DENND2B: variants seen among roughly 807,000 people sequenced by gnomAD.
The protein encoded by DENND2B is DENN domain-containing protein 2B.
DENND2B carries 32 observed loss-of-function variants against 116.0 expected under a neutral mutation model. The observed-to-expected ratio is 0.28, with a 90% confidence interval of 0.21 to 0.37. The LOEUF (loss-of-function observed/expected upper bound fraction) is 0.37. Among genes scored for constraint, DENND2B ranks in the 10% least tolerant of loss-of-function variants. The pLI is 1.00. For missense variants in DENND2B, 1,276 were observed against 1,477.7 expected, an observed-to-expected ratio of 0.86 and a Z score of 2.24; for synonymous variants, 588 against 583.9, an observed-to-expected ratio of 1.01 and a Z score of -0.10.
intron 2 of DENND2B, 140 bp downstream of exon 2, chr11:8,750,481 C>T: frequency 4.3e-6 from 3 of 693,544 alleles, no homozygotes; most frequent in Non-Finnish European, 7.6e-6. Flanking sequence ...ATATCTTCTG[C>T]CTAATGGTCA....
chr11:8,875,524 G>A (rs116898120), upstream of DENND2B, among the ~76,000 whole-genome samples: 2,528 of 151,198 alleles, frequency 0.017, 36 homozygotes, highest in Middle Eastern at 0.051. Flanking sequence ...TCCCACCTTA[G>A]CCTCCCCAGT....
At chr11:8,841,395 C>T (rs2062619508) in intron 3 of DENND2B, among the ~76,000 whole-genome samples, 1 of 152,116 alleles carries the variant, frequency 6.6e-6, no homozygotes, top group South Asian at 2.1e-4. Flanking sequence ...TCCCAGCACT[C>T]TGGGAGACCA....
intron 19 of DENND2B, among the ~76,000 whole-genome samples, chr11:8,695,152 G>T (rs1269188786): frequency 6.6e-6 from 1 of 152,168 alleles, no homozygotes; most frequent in Non-Finnish European, 1.5e-5. Flanking sequence ...TAAAGTATAT[G>T]GGAAGATGTG....
chr11:8,735,217 C>T (rs554460353), intron 2 of DENND2B, among the ~76,000 whole-genome samples: 3 of 152,266 alleles, frequency 2.0e-5, no homozygotes, highest in Admixed American at 6.5e-5. Context: ...CCTTTACCCA[C>T]CTGGAATGCT....
chr11:8,806,120 G>A (rs975097326), intron 1 of DENND2B, among the ~76,000 whole-genome samples: 1 of 152,162 alleles, frequency 6.6e-6, no homozygotes, highest in Admixed American at 6.5e-5. Context: ...TCCGCCCAGG[G>A]CCCCTTGCCC....
chr11:8,720,308 G>A (rs1267835822), intron 4 of DENND2B, among the ~76,000 whole-genome samples: 1 of 151,710 alleles, frequency 6.6e-6, no homozygotes, highest in Admixed American at 6.6e-5. Flanking sequence ...CCTACAGTAA[G>A]AGCTTTGAAT....
intron 2 of DENND2B, among the ~76,000 whole-genome samples, chr11:8,746,231 G>A (rs2051220209): frequency 6.6e-6 from 1 of 152,216 alleles, no homozygotes; most frequent in Admixed American, 6.5e-5. Context: ...CTAAGGCACA[G>A]GGTCCAAATC....
intron 1 of DENND2B, among the ~76,000 whole-genome samples, chr11:8,889,731 A>G (rs2064004673): frequency 1.3e-5 from 2 of 152,216 alleles, no homozygotes; most frequent in South Asian, 4.1e-4. Flanking sequence ...GAGTAGGTAA[A>G]CAAAGCGGCC....
chr11:8,839,917 G>C (rs536642449), intron 3 of DENND2B, among the ~76,000 whole-genome samples: 1 of 152,260 alleles, frequency 6.6e-6, no homozygotes, highest in South Asian at 2.1e-4. Flanking sequence ...TCAGGAGACA[G>C]ATGAATTGCT....
chr11:8,746,417 T>A (rs1047465700), intron 2 of DENND2B, among the ~76,000 whole-genome samples: 1 of 152,238 alleles, frequency 6.6e-6, no homozygotes, highest in Non-Finnish European at 1.5e-5. Flanking sequence ...GAGCCAGATA[T>A]ATCTCAAGAT....
rs1330806104 is a variant in DENND2B at position 8,694,031 on chromosome 11, G to C, written c.*65C>G. 3 of 1,593,184 alleles carry C rather than the reference G, an allele frequency of 1.9e-6. No homozygotes were observed. The highest frequency in any genetic ancestry group is 1.1e-5 in the South Asian group (1 of 89,912). ...AGCCACAGCAGCCCAGAGGGTCCCA[G>C]GCTGGGCCTTCTCCCCAGGCTTCAG... On this transcript the variant is annotated 3_prime_UTR_variant, in exon 20 of 20. Transcript: ENST00000313726.
chr11:8,831,428 G>C (rs2062200904), intron 4 of DENND2B: 1 of 152,324 alleles, frequency 6.6e-6, no homozygotes, highest in Non-Finnish European at 1.5e-5. Flanking sequence ...CAGCTTTTGT[G>C]CTCCCCACAG....
intron 19 of DENND2B, among the ~76,000 whole-genome samples, chr11:8,694,903 A>G (rs150178234): frequency 1.3e-5 from 2 of 152,068 alleles, no homozygotes; most frequent in Non-Finnish European, 1.5e-5. Flanking sequence ...CTACAAAACA[A>G]ATTTTAAAAA....
chr11:8,699,276 G>T lies in DENND2B; in HGVS notation c.2835C>A (p.Thr945=). The change falls in exon 15 of 20, where the codon ACC becomes ACA. Residue 945 remains threonine, a synonymous_variant. Transcript: ENST00000313726. ...TGGAGAGCAGGCCAACCAGGAAGGG[G>T]GTGGGACAGCAGACGATGTCAATCA... is the stretch of plus-strand genomic sequence containing the variant. ...ASMIDIVCCP[T]PFLVGLLSSS... The T allele has an allele frequency of 1.2e-6, 2 of 1,600,878 alleles. No homozygotes were observed. Among genetic ancestry groups the T allele is most frequent in the Non-Finnish European group, 1.7e-6 (2 of 1,176,750 alleles).
At chr11:8,772,953 A>T (rs2057147414) in intron 1 of DENND2B, among the ~76,000 whole-genome samples, 1 of 152,050 alleles carries the variant, frequency 6.6e-6, no homozygotes, top group African/African-American at 2.4e-5. Flanking sequence ...CCTCCTCCTA[A>T]AGAAGAGCTG....
intron 2 of DENND2B, among the ~76,000 whole-genome samples, chr11:8,749,198 A>T (rs2051871273): frequency 6.6e-6 from 1 of 152,190 alleles, no homozygotes; most frequent in African/African-American, 2.4e-5. Flanking sequence ...ATGGGAGATA[A>T]AGACTCTGAG....
chr11:8,888,910 A>G (rs1395440404), intron 1 of DENND2B, among the ~76,000 whole-genome samples: 1 of 152,194 alleles, frequency 6.6e-6, no homozygotes, highest in Admixed American at 6.5e-5. Context: ...TAAGGAAAAC[A>G]AAGGCAAAAT....
chr11:8,772,370 G>T (rs1485268262), intron 1 of DENND2B, among the ~76,000 whole-genome samples: 2 of 152,072 alleles, frequency 1.3e-5, no homozygotes, highest in Non-Finnish European at 2.9e-5. Context: ...CAAAAGTATG[G>T]GTGGCCCTGA....
chr11:8,797,456 T>TCCTTCTTCCC (rs2059922356), intron 1 of DENND2B, among the ~76,000 whole-genome samples: 2 of 126,046 alleles, frequency 1.6e-5, no homozygotes, highest in South Asian at 2.9e-4. Context: ...CCCTTCTTCC[T>TCCTTCTTCCC]CCTTCTTCCC....
Sources: gnomAD v4.1 joint callset for allele counts (sites outside exome capture counted in the v4.1 genomes callset) on GRCh38, gnomAD v4.1.1 for gene constraint, MANE v1.5 for transcripts, NCBI Gene and HGNC (gene_info 2026-07-23, HGNC 2026-07-21) for gene names.